PTPRD: variants seen among roughly 807,000 people sequenced by gnomAD.
PTPRD encodes the protein protein tyrosine phosphatase receptor type D.
PTPRD carries 34 observed loss-of-function variants against 214.5 expected under a neutral mutation model. The ratio of observed to expected loss-of-function variants is 0.16; its 90% confidence interval spans 0.12 to 0.21. PTPRD has a LOEUF of 0.21. Among genes scored for constraint, PTPRD ranks in the 10% least tolerant of loss-of-function variants. The pLI is 1.00. For synonymous variants in PTPRD, 1,128 were observed against 845.7 expected, an observed-to-expected ratio of 1.33 and a Z score of -5.79; for missense variants, 2,545 against 2,398.7, an observed-to-expected ratio of 1.06 and a Z score of -1.27.
At chr9:10,465,278 G>A (rs1165904368) in intron 2 of PTPRD, among the ~76,000 whole-genome samples, 1 of 152,070 alleles carries the variant, frequency 6.6e-6, no homozygotes, top group South Asian at 2.1e-4. Flanking sequence ...TAAAACCTTT[G>A]CCACCTGCCA....
intron 2 of PTPRD, among the ~76,000 whole-genome samples, chr9:10,400,231 C>G (rs962559299): frequency 1.3e-5 from 2 of 151,744 alleles, no homozygotes; most frequent in Non-Finnish European, 2.9e-5. Flanking sequence ...TGCTCACTCA[C>G]AGACCTGTTG....
intron 14 of PTPRD, among the ~76,000 whole-genome samples, chr9:8,577,872 C>A (rs968712101): frequency 2.0e-5 from 3 of 152,074 alleles, no homozygotes; most frequent in Admixed American, 6.5e-5. Context: ...GTTCAACAAG[C>A]CTTTCAGGTG....
intron 3 of PTPRD, among the ~76,000 whole-genome samples, chr9:10,151,086 G>T (rs1282792362): frequency 1.9e-4 from 21 of 111,202 alleles, no homozygotes; most frequent in South Asian, 6.1e-4. Context: ...TTTGAGACAA[G>T]AGTCTTGCTC....
intron 6 of PTPRD, among the ~76,000 whole-genome samples, chr9:9,764,813 C>T (rs1243063842): frequency 1.3e-5 from 2 of 152,092 alleles, no homozygotes; most frequent in Admixed American, 6.5e-5. Flanking sequence ...AAGTCACGAT[C>T]CCCCCAACTG....
At chr9:10,396,657 A>T (rs973185757) in intron 2 of PTPRD, among the ~76,000 whole-genome samples, 6 of 151,988 alleles carry the variant, frequency 3.9e-5, no homozygotes, top group Non-Finnish European at 7.4e-5. Context: ...ATACGAGTAA[A>T]GCACCTTCTT....
chr9:10,402,552 C>A (rs2098286930), intron 2 of PTPRD, among the ~76,000 whole-genome samples: 4 of 151,572 alleles, frequency 2.6e-5, no homozygotes, highest in Admixed American at 1.3e-4. Context: ...AGTAAAATAT[C>A]TTTTTATTAA....
chr9:9,738,843 GTGT>G (rs924984814), intron 6 of PTPRD, among the ~76,000 whole-genome samples: 10 of 152,082 alleles, frequency 6.6e-5, no homozygotes, highest in South Asian at 2.1e-4. Context: ...CTCCCATTTT[GTGT>G]TGTCTTTCAC....
chr9:8,361,431 A>T (rs537210845), intron 39 of PTPRD, among the ~76,000 whole-genome samples: 1 of 152,322 alleles, frequency 6.6e-6, no homozygotes, highest in African/African-American at 2.4e-5. Context: ...CTCTGTAATC[A>T]TTTTGAAACT....
chr9:9,455,487 A>C (rs1054639159), intron 8 of PTPRD, among the ~76,000 whole-genome samples: 1 of 151,622 alleles, frequency 6.6e-6, no homozygotes, highest in Non-Finnish European at 1.5e-5. Context: ...GTTAAATAAG[A>C]GATCTGTAAT....
intron 7 of PTPRD, among the ~76,000 whole-genome samples, chr9:9,686,828 C>G (rs1195125791): frequency 6.6e-6 from 1 of 151,640 alleles, no homozygotes; most frequent in African/African-American, 2.4e-5. Flanking sequence ...AGTTATCATA[C>G]TTAACTACAT....
chr9:9,422,884 G>C (rs1308180559), intron 8 of PTPRD, among the ~76,000 whole-genome samples: 3 of 152,076 alleles, frequency 2.0e-5, no homozygotes, highest in Non-Finnish European at 4.4e-5. Context: ...AAGCTGACTG[G>C]AGCTGCTGGC....
chr9:8,673,708 A>T (rs140883651), intron 12 of PTPRD, among the ~76,000 whole-genome samples: 1,618 of 152,274 alleles, frequency 0.011, 12 homozygotes, highest in Non-Finnish European at 0.019. Context: ...GCAAAGCAGC[A>T]CCAGTATTTT....
At chr9:10,391,868 G>A (rs1441775776) in intron 2 of PTPRD, among the ~76,000 whole-genome samples, 2 of 151,628 alleles carry the variant, frequency 1.3e-5, no homozygotes, top group Non-Finnish European at 2.9e-5. Flanking sequence ...TGCTACTCAT[G>A]GCATCTTGGG....
chr9:8,639,927 T>G (rs1490070134), intron 12 of PTPRD, among the ~76,000 whole-genome samples: 1 of 152,164 alleles, frequency 6.6e-6, no homozygotes, highest in South Asian at 2.1e-4. Flanking sequence ...GGTCAGGCAT[T>G]GAAGTTTTTT....
intron 3 of PTPRD, among the ~76,000 whole-genome samples, chr9:10,034,714 T>G (rs10114120): frequency 3.3e-5 from 5 of 151,826 alleles, no homozygotes; most frequent in African/African-American, 1.2e-4. Context: ...CTAAGGATAA[T>G]GGTCTCCGGC....
At position 8,578,720 on chromosome 9, in the gene PTPRD, T is replaced by C. The variant is rs139904426; in HGVS notation, c.353-49941A>G. Among the ~76,000 whole-genome samples the C allele has an allele frequency of 5.3e-3, 803 of 152,342 alleles. 2 individuals carry two copies. The highest frequency in any genetic ancestry group is 9.1e-3 in the Non-Finnish European group (616 of 68,032). Reference sequence around the variant, plus strand: ...ACTGGGCTTAACATGTTGTACTTTATTCCCCATCCTCAAGTGTCAATTACA... The same window carrying C: ...ACTGGGCTTAACATGTTGTACTTTACTCCCCATCCTCAAGTGTCAATTACA... On this transcript the variant is annotated intron_variant, in intron 14 of 45. Transcript: ENST00000381196.
chr9:9,448,837 T>C lies in PTPRD; in HGVS notation c.-236-51355A>G, dbSNP rs998210999. On this transcript the variant is annotated intron_variant, in intron 8 of 45. Coordinates refer to ENST00000381196, the MANE Select transcript of PTPRD (RefSeq NM_002839.4). Reference sequence around the variant, plus strand: ...ACACACACTGTGGTATAGGTTGTGATTAAAAAGCAGGGTGGCTAATGGATG... The same window carrying C: ...ACACACACTGTGGTATAGGTTGTGACTAAAAAGCAGGGTGGCTAATGGATG... Among the ~76,000 whole-genome samples the C allele has an allele frequency of 8.5e-5, 13 of 152,112 alleles. No homozygotes were observed. In the Middle Eastern group the frequency reaches 0.01, roughly 119 times the overall value.
chr9:8,644,780 G>A (rs2096651798), intron 12 of PTPRD, among the ~76,000 whole-genome samples: 1 of 152,196 alleles, frequency 6.6e-6, no homozygotes, highest in Non-Finnish European at 1.5e-5. Context: ...ACTGTGCAGT[G>A]ACCAAACCCC....
In PTPRD at chr9:8,569,671, A is replaced by C. The variant is rs79639322; in HGVS notation, c.353-40892T>G. On this transcript the variant is annotated intron_variant, in intron 14 of 45. Coordinates refer to ENST00000381196, the MANE Select transcript of PTPRD (RefSeq NM_002839.4). Reference sequence around the variant, plus strand: ...TCATTTATCTAAACTGAGCAGTCATATAACATCCTTAAGAAAAGAGACTTT... The same window carrying C: ...TCATTTATCTAAACTGAGCAGTCATCTAACATCCTTAAGAAAAGAGACTTT... 2.8e-3 allele frequency among the ~76,000 whole-genome samples: 423 copies of C among 152,244 alleles called. 14 individuals carry two copies. In the East Asian group the frequency reaches 0.073, roughly 26 times the overall value.
Sources: allele counts gnomAD v4.1 joint callset (sites outside exome capture counted in the v4.1 genomes callset), GRCh38; gene constraint gnomAD v4.1.1; transcripts MANE v1.5; gene names NCBI Gene and HGNC (gene_info 2026-07-23, HGNC 2026-07-21).